Variants in ADGRL2 observed in about 807,000 individuals in gnomAD.
ADGRL2 encodes the protein adhesion G protein-coupled receptor L2.
In ADGRL2, 44 loss-of-function variants were observed where a neutral mutation model predicts 157.4. The ratio of observed to expected loss-of-function variants is 0.28; its 90% CI spans 0.22 to 0.36. The LOEUF (loss-of-function observed/expected upper bound fraction) is 0.36. Among genes scored for constraint, ADGRL2 ranks in the 10% least tolerant of loss-of-function variants. The pLI is 1.00. For synonymous variants in ADGRL2, 585 were observed against 624.7 expected, an observed-to-expected ratio of 0.94 and a Z score of 0.95; for missense variants, 1,510 against 1,768.9, an observed-to-expected ratio of 0.85 and a Z score of 2.63.
intron 1 of ADGRL2, among the ~76,000 whole-genome samples, chr1:81,444,772 G>A (rs991895047): frequency 3.9e-5 from 6 of 152,166 alleles, no homozygotes; most frequent in Admixed American, 3.3e-4. Context: ...GTTCAGTCAC[G>A]TTGTTCAGTT....
intron 21 of ADGRL2, 70 bp from the exon 22 acceptor site, chr1:81,986,831 A>G: frequency 6.6e-7 from 1 of 1,507,336 alleles, no homozygotes; most frequent in East Asian, 2.3e-5. Context: ...GTTGACTACA[A>G]CTGTAACACT....
intron 1 of ADGRL2, among the ~76,000 whole-genome samples, chr1:81,831,162 A>G (rs709700): frequency 1 from 151,623 of 152,326 alleles, 75,468 homozygotes; most frequent in Middle Eastern, 1. Context: ...TATTAAAGAT[A>G]CATTGCTAGT....
intron 2 of ADGRL2, among the ~76,000 whole-genome samples, chr1:81,888,534 G>C (rs919210281): frequency 2.6e-5 from 4 of 152,146 alleles, no homozygotes; most frequent in African/African-American, 7.2e-5. Flanking sequence ...TGCCTCCTGG[G>C]TTCACGCCAT....
chr1:81,589,863 A>C (rs2148583257), intron 3 of ADGRL2, among the ~76,000 whole-genome samples: 1 of 152,292 alleles, frequency 6.6e-6, no homozygotes, highest in African/African-American at 2.4e-5. Context: ...GCTCATGCCA[A>C]TTATACATTC....
chr1:81,881,451 C>A (rs571018432), intron 2 of ADGRL2, among the ~76,000 whole-genome samples: 2 of 152,344 alleles, frequency 1.3e-5, no homozygotes, highest in Admixed American at 1.3e-4. Flanking sequence ...GCTGGGATTA[C>A]AGGCGTGAGC....
At chr1:81,688,278 G>A (rs989969571) in intron 3 of ADGRL2, among the ~76,000 whole-genome samples, 7 of 152,040 alleles carry the variant, frequency 4.6e-5, no homozygotes, top group African/African-American at 7.2e-5. Context: ...CAAGCTTTTC[G>A]AATTCTCTTC....
rs185399774 is a variant in ADGRL2 at position 81,854,348 on chromosome 1, T to C, written c.73+17291T>C. On this transcript the variant is annotated intron_variant, in intron 2 of 23. Transcript: ENST00000686636. Reference sequence around the variant, plus strand: ...TGTTTTCTTTCACTGACATACCCTGTAGTGAAATTACATTTGTACGAGTAT... The same window carrying C: ...TGTTTTCTTTCACTGACATACCCTGCAGTGAAATTACATTTGTACGAGTAT... Among the ~76,000 whole-genome samples, 285 of 152,278 alleles carry C rather than the reference T, an allele frequency of 1.9e-3. 5 individuals are homozygous for C. The highest frequency in any genetic ancestry group is 6.6e-3 in the African/African-American group (275 of 41,562).
rs146886476 is a variant in ADGRL2, at chr1:81,889,109, A to T, written c.74-17908A>T. 2.4e-3 allele frequency among the ~76,000 whole-genome samples: 365 copies of T among 152,290 alleles called. 1 individual carries two copies. Among genetic ancestry groups the T allele is most frequent in the African/African-American group, 8.2e-3 (342 of 41,568 alleles). On this transcript the variant is annotated intron_variant, in intron 2 of 23. Transcript: ENST00000686636. ...CTGAGACACAAAAATTTTGAAATTA[A>T]CCAATTAATAATCCTACAACGGCCT...
chr1:81,812,325 C>G (rs142753702), intron 1 of ADGRL2, among the ~76,000 whole-genome samples: 4 of 151,566 alleles, frequency 2.6e-5, no homozygotes, highest in African/African-American at 7.2e-5. Flanking sequence ...AAAAATTGTT[C>G]TAAAGAAAGT....
intron 1 of ADGRL2, among the ~76,000 whole-genome samples, chr1:81,754,553 TTC>T (rs200040605): frequency 5.3e-4 from 74 of 138,462 alleles, no homozygotes; most frequent in African/African-American, 1.4e-3. Context: ...CCTTCTTTCT[TTC>T]TCTCTTTCTT....
intron 2 of ADGRL2, 119 bp downstream of exon 2, chr1:81,837,176 T>C (rs569060932): frequency 1.9e-6 from 1 of 516,070 alleles, no homozygotes; most frequent in Non-Finnish European, 3.3e-6. Context: ...GTTAAAATTA[T>C]TTCCTGAATA....
intron 2 of ADGRL2, among the ~76,000 whole-genome samples, chr1:81,526,496 A>C (rs1383549037): frequency 6.6e-6 from 1 of 152,224 alleles, no homozygotes; most frequent in Non-Finnish European, 1.5e-5. Flanking sequence ...ACCTTTTAAA[A>C]ATATAAAGAA....
intron 2 of ADGRL2, among the ~76,000 whole-genome samples, chr1:81,511,643 AGTTT>A: frequency 1.3e-5 from 2 of 152,154 alleles, no homozygotes; most frequent in Middle Eastern, 6.8e-3. Context: ...TTTTCATCAG[AGTTT>A]GTTTGATATG....
chr1:81,661,353 T>C (rs2148880572), intron 3 of ADGRL2, among the ~76,000 whole-genome samples: 1 of 152,350 alleles, frequency 6.6e-6, no homozygotes, highest in Admixed American at 6.5e-5. Context: ...AGCATCTTAC[T>C]TTTTAATCAT....
intron 1 of ADGRL2, among the ~76,000 whole-genome samples, chr1:81,403,883 T>C (rs1338051433): frequency 1.3e-5 from 2 of 150,506 alleles, no homozygotes; most frequent in Non-Finnish European, 2.9e-5. Context: ...CTGCAAACTC[T>C]GCCTCCCAGG....
At chr1:81,502,618 C>A (rs943258023) in intron 2 of ADGRL2, 1 of 1,614,098 alleles carries the variant, frequency 6.2e-7, no homozygotes, top group Non-Finnish European at 8.5e-7. Context: ...AAGGCCTAAA[C>A]CTGCCCACAT....
At chr1:81,825,603 C>T (rs2091403279) in intron 1 of ADGRL2, among the ~76,000 whole-genome samples, 1 of 144,202 alleles carries the variant, frequency 6.9e-6, no homozygotes, top group Admixed American at 7.3e-5. Context: ...TCTTGGCCTC[C>T]CAAAGTGCTG....
intron 2 of ADGRL2, among the ~76,000 whole-genome samples, chr1:81,792,901 A>G (rs747818395): frequency 2.6e-5 from 4 of 152,146 alleles, no homozygotes; most frequent in Non-Finnish European, 4.4e-5. Context: ...AAAATTTGTA[A>G]TTTATATGAA....
Position 81,991,461 on chromosome 1 carries a change from G to A in ADGRL2, c.*316G>A, listed in dbSNP as rs980805480. 1 of 206,954 alleles carries A rather than the reference G, an allele frequency of 4.8e-6. No homozygotes were observed. Among genetic ancestry groups the A allele is most frequent in the African/African-American group, 2.3e-5 (1 of 43,476 alleles). 12.8% of individuals were successfully genotyped at this position (206,954 alleles called of 1,614,324 possible). A position where few individuals can be genotyped will look rare whatever the true frequency, so the allele number is the denominator to read the frequency against. On this transcript the variant is annotated 3_prime_UTR_variant, in exon 24 of 24. Transcript: ENST00000686636. ...AACAAAACTTTCCAGCCATTTTACTGCAGCAGTCTGTGAACTAAATTTGTA... is the reference window on the plus strand; with the variant it reads ...AACAAAACTTTCCAGCCATTTTACTACAGCAGTCTGTGAACTAAATTTGTA...
Sources: allele counts gnomAD v4.1 joint callset (sites outside exome capture counted in the v4.1 genomes callset), GRCh38; gene constraint gnomAD v4.1.1; transcripts MANE v1.5; gene names NCBI Gene and HGNC (gene_info 2026-07-23, HGNC 2026-07-21).